Variants in MLKL observed in about 807,000 individuals in gnomAD.
MLKL encodes the protein mixed lineage kinase domain-like protein.
A neutral mutation model predicts 56.5 loss-of-function variants in MLKL; 55 were observed. That is an observed-to-expected ratio of 0.97 (90% CI 0.78 to 1.22). MLKL has a LOEUF of 1.22. Among genes scored for constraint, MLKL ranks in the 50% most tolerant of loss-of-function variants. The probability of loss-of-function intolerance (pLI) is 0.00; values close to 1 mark genes in which losing one functional copy is unlikely to be tolerated. For synonymous variants in MLKL, 251 were observed against 208.3 expected (o/e 1.20, Z -1.76); for missense variants, 694 against 573.9 (o/e 1.21, Z -2.14).
rs1475983140 is a variant in MLKL, at chr16:74,675,671, A to C, written c.1132T>G (p.Ser378Ala). The change falls in exon 8 of 11, where the codon TCA becomes GCA. Residue 378 changes from serine (S) to alanine (A), a missense_variant. Physicochemically the swap from Ser to Ala is moderately conservative, Grantham distance 99. Coordinates refer to ENST00000308807, the MANE Select transcript of MLKL (RefSeq NM_152649.4). ...AATACATCTTCCAGTTCCTGAGGTG[A>C]GAGATATGCTGTAGATTTGACTCTG... ...TDRVKSTAYL[S>A]PQELEDVFYQ... 1.9e-6 allele frequency: 3 copies of C among 1,613,972 alleles called. No homozygotes were observed. The highest frequency in any genetic ancestry group is 2.7e-5 in the African/African-American group (2 of 74,918).
At chr16:74,688,645 T>C (rs934561646) in intron 4 of MLKL, among the ~76,000 whole-genome samples, 2 of 152,004 alleles carry the variant, frequency 1.3e-5, no homozygotes, top group African/African-American at 4.8e-5. Context: ...ACCTAGGAGA[T>C]GGAGGTTGCA....
intron 7 of MLKL, chr16:74,676,873 T>G (rs1393875041): frequency 6.6e-6 from 1 of 152,158 alleles, no homozygotes; most frequent in East Asian, 1.9e-4. Context: ...TTAGCTCTGT[T>G]CCCCTGGAAA....
intron 4 of MLKL, among the ~76,000 whole-genome samples, chr16:74,685,820 C>T (rs1201244475): frequency 6.6e-6 from 1 of 152,172 alleles, no homozygotes; most frequent in Non-Finnish European, 1.5e-5. Context: ...AATATCTTTT[C>T]AGTAGTTCAA....
In MLKL at chr16:74,697,617, T is replaced by G. The variant is rs560833724; in HGVS notation, c.-2-1858A>C. 4.1e-4 allele frequency among the ~76,000 whole-genome samples: 48 copies of G among 116,988 alleles called. 1 individual carries two copies. In the South Asian group the frequency reaches 0.014, roughly 34 times the overall value. The allele number at this position is 116,988 out of a possible 152,430, so 76.7% of individuals were successfully genotyped here. A position where few individuals can be genotyped will look rare whatever the true frequency, so the allele number is the denominator to read the frequency against. On this transcript the variant is annotated intron_variant, in intron 1 of 10. Transcript: ENST00000308807. Reference sequence around the variant, plus strand: ...TTTTGGGAGGTAGAGGTGGGAAGATTGCTTGAGGCCAGGAGTTCCATTCTG... The same window carrying G: ...TTTTGGGAGGTAGAGGTGGGAAGATGGCTTGAGGCCAGGAGTTCCATTCTG...
chr16:74,698,265 T>G (rs1464977072), intron 1 of MLKL, among the ~76,000 whole-genome samples: 1 of 152,158 alleles, frequency 6.6e-6, no homozygotes, highest in African/African-American at 2.4e-5. Context: ...AGTTAGTTTT[T>G]TTTTTTTTAA....
intron 6 of MLKL, among the ~76,000 whole-genome samples, chr16:74,679,496 G>A (rs756325957): frequency 6.6e-6 from 1 of 152,158 alleles, no homozygotes; most frequent in Non-Finnish European, 1.5e-5. Flanking sequence ...ATTTGGGCAC[G>A]AGGGATTTGT....
At chr16:74,686,083 C>T (rs1490805517) in intron 4 of MLKL, among the ~76,000 whole-genome samples, 1 of 152,020 alleles carries the variant, frequency 6.6e-6, no homozygotes, top group African/African-American at 2.4e-5. Flanking sequence ...CCTCAGCCAC[C>T]TGAGTAGCTG....
In MLKL at chr16:74,695,644, C is replaced by T. The variant is rs1159691615; in HGVS notation, c.114G>A (p.Leu38=). The T allele has an allele frequency of 4.3e-6, 7 of 1,614,174 alleles. No homozygotes were observed. Among genetic ancestry groups the T allele is most frequent in the South Asian group, 1.1e-5 (1 of 91,086 alleles). The stretch of plus-strand genomic sequence containing the variant: ...CCTGGAGCATCTCCAGAGGCTTGAT[C>T]AGGCCGAGGACGCGGTGGCCCAGGC... ...CRRLGHRVLG[L]IKPLEMLQDQ... is the part of the protein sequence containing the mutation. Residue 38 remains leucine, a synonymous_variant, in exon 2 of 11, where the codon CTG becomes CTA. Transcript: ENST00000308807.
rs769352532 is a variant in MLKL at position 74,692,386 on chromosome 16, C to A, written c.491G>T (p.Arg164Leu). Reference protein sequence around the residue: ...DNEKIEASLRRLEINMKEIKE... With the variant: ...DNEKIEASLRLLEINMKEIKE... ...GATTTCTTTCATGTTGATTTCTAAT[C>A]GTCTCAGTGAAGCTTCTATTTTTTC... The change falls in exon 3 of 11, where the codon CGA (arginine) becomes CTA (leucine). Residue 164 changes from arginine to leucine, a missense_variant. Transcript: ENST00000308807. The A allele has an allele frequency of 3.7e-6, 6 of 1,613,812 alleles. No homozygotes were observed. Among genetic ancestry groups the A allele is most frequent in the Non-Finnish European group, 5.1e-6 (6 of 1,179,932 alleles).
chr16:74,672,484 T>G lies in MLKL; in HGVS notation c.*20A>C. The stretch of plus-strand genomic sequence containing the variant: ...TCCCAGCTTCTTGTCCAGAGACTCC[T>G]TGGTTTAGATTTTGATACACTACTT... On this transcript the variant is annotated 3_prime_UTR_variant, in exon 11 of 11. Coordinates refer to ENST00000308807, the MANE Select transcript of MLKL (RefSeq NM_152649.4). The G allele has an allele frequency of 6.2e-7, 1 of 1,610,666 alleles. No individual in the cohort carries two copies. The highest frequency in any genetic ancestry group is 8.5e-7 in the Non-Finnish European group (1 of 1,176,942).
rs1355198408 is a variant in MLKL at position 74,672,398 on chromosome 16, G to C, written c.*106C>G. ...TAACAGAGAAGCGTGCCCACTCCTT[G>C]CACCCATAGATAACCCAATGCCGAA... is the stretch of plus-strand genomic sequence containing the variant. On this transcript the variant is annotated 3_prime_UTR_variant, in exon 11 of 11. Coordinates refer to ENST00000308807, the MANE Select transcript of MLKL (RefSeq NM_152649.4). 6.9e-6 allele frequency: 7 copies of C among 1,018,900 alleles called. No individual in the cohort carries two copies. Among genetic ancestry groups the C allele is most frequent in the Non-Finnish European group, 1.1e-5 (7 of 660,788 alleles). The allele number at this position is 1,018,900 out of a possible 1,614,324, so 63.1% of individuals were successfully genotyped here. A position where few individuals can be genotyped will look rare whatever the true frequency, so the allele number is the denominator to read the frequency against.
Position 74,675,355 on chromosome 16 carries a change from C to G in MLKL, c.1240G>C (p.Gly414Arg). The change falls in exon 9 of 11, where the codon GGC (glycine) becomes CGC (arginine). Residue 414 changes from glycine to arginine, a missense_variant and splice_region_variant. Coordinates refer to ENST00000308807, the MANE Select transcript of MLKL (RefSeq NM_152649.4). Reference sequence around the variant, plus strand: ...CTGAGCCAGTCTTCACATTCTTCACCTTGAAACGGGATATCTCCAGTGGCG... The same window carrying G: ...CTGAGCCAGTCTTCACATTCTTCACGTTGAAACGGGATATCTCCAGTGGCG... Reference protein sequence around the residue: ...EIATGDIPFQGCNSEKIRKLV... With the variant: ...EIATGDIPFQRCNSEKIRKLV... 1 of 1,614,154 alleles carries G rather than the reference C, an allele frequency of 6.2e-7. No individual in the cohort carries two copies. The highest frequency in any genetic ancestry group is 8.5e-7 in the Non-Finnish European group (1 of 1,180,016).
intron 1 of MLKL, among the ~76,000 whole-genome samples, chr16:74,696,071 G>A (rs1459709912): frequency 6.6e-6 from 1 of 152,178 alleles, no homozygotes; most frequent in African/African-American, 2.4e-5. Context: ...TTCGGACTGG[G>A]GCAGCTGTGC....
chr16:74,679,258 C>G (rs1185015340), intron 6 of MLKL, among the ~76,000 whole-genome samples: 1 of 152,186 alleles, frequency 6.6e-6, no homozygotes, highest in Non-Finnish European at 1.5e-5. Flanking sequence ...AACGTTGCCT[C>G]TGTGTTGCTT....
intron 7 of MLKL, among the ~76,000 whole-genome samples, chr16:74,678,642 G>C (rs1959753218): frequency 6.6e-6 from 1 of 152,150 alleles, no homozygotes; most frequent in Non-Finnish European, 1.5e-5. Context: ...AATTAGTCAG[G>C]AGTGGTGGTG....
intron 4 of MLKL, among the ~76,000 whole-genome samples, chr16:74,686,021 G>A (rs111462812): frequency 0.018 from 2,767 of 150,572 alleles, 22 homozygotes; most frequent in Non-Finnish European, 0.029. Flanking sequence ...GTGCAGTGGT[G>A]CGATCTTGGC....
intron 10 of MLKL, 99 bp from the exon 11 acceptor site, chr16:74,672,637 GCA>G: frequency 2.7e-6 from 3 of 1,100,406 alleles, no homozygotes; most frequent in Non-Finnish European, 2.7e-6. Context: ...TTTAGAAACT[GCA>G]TTCCCCCTGG....
chr16:74,683,536 C>CAGTA (rs1342341757), intron 5 of MLKL, among the ~76,000 whole-genome samples: 1 of 148,586 alleles, frequency 6.7e-6, no homozygotes, highest in Admixed American at 6.8e-5. Context: ...GTGGAAGCTG[C>CAGTA]AGTAAGCATA....
chr16:74,675,924 CAT>C, intron 7 of MLKL, 160 bp from the exon 8 acceptor site: 1 of 738,520 alleles, frequency 1.4e-6, no homozygotes, highest in Non-Finnish European at 2.2e-6. Context: ...TATTGGTTAA[CAT>C]TATGGGTTCA....
Sources: allele counts gnomAD v4.1 joint callset (sites outside exome capture counted in the v4.1 genomes callset), GRCh38; gene constraint gnomAD v4.1.1; transcripts MANE v1.5; gene names NCBI Gene and HGNC (gene_info 2026-07-23, HGNC 2026-07-21).